PPFIA4: variants seen among roughly 807,000 people sequenced by gnomAD.
The protein encoded by PPFIA4 is liprin-alpha-4.
In PPFIA4, 98 loss-of-function variants were observed where a neutral mutation model predicts 145.7. That is an observed-to-expected ratio of 0.67 (90% CI 0.57 to 0.80). The LOEUF (loss-of-function observed/expected upper bound fraction) is 0.80. PPFIA4 is among the 30% of genes least tolerant of loss of function. The probability of loss-of-function intolerance (pLI) is 0.00; values close to 1 mark genes in which losing one functional copy is unlikely to be tolerated. For missense variants in PPFIA4, 1,457 were observed against 1,632.7 expected, an observed-to-expected ratio of 0.89 and a Z score of 1.85; for synonymous variants, 628 against 649.6, an observed-to-expected ratio of 0.97 and a Z score of 0.51.
In PPFIA4 at chr1:203,068,261, G is replaced by C. The variant is rs1010941665; in HGVS notation, c.3149-192G>C. Among the ~76,000 whole-genome samples the C allele has an allele frequency of 2.6e-5, 4 of 152,186 alleles. No individual in the cohort carries two copies. The highest frequency in any genetic ancestry group is 5.9e-5 in the Non-Finnish European group (4 of 68,018). Reference sequence around the variant, plus strand: ...GTAAACTGGCAGGGATGGAGTGAGTGGGGGGTTGGTTCCCCAGGCACCCAG... The same window carrying C: ...GTAAACTGGCAGGGATGGAGTGAGTCGGGGGTTGGTTCCCCAGGCACCCAG... On this transcript the variant is annotated intron_variant, in intron 26 of 29. Transcript: ENST00000295706. This position sits in a 1 kb window ranked among gnomAD's most constrained non-coding sequence, Gnocchi z 4.7.
intron 1 of PPFIA4, among the ~76,000 whole-genome samples, chr1:203,027,490 C>T (rs1292936900): frequency 6.6e-6 from 1 of 152,106 alleles, no homozygotes; most frequent in Non-Finnish European, 1.5e-5. Context: ...CTGGTAGTTT[C>T]CATCAGAGGA....
chr1:203,046,633 T>A, intron 9 of PPFIA4: 8 of 355,722 alleles, frequency 2.2e-5, no homozygotes, highest in East Asian at 8.9e-5. Context: ...GAGAAGAAGC[T>A]ATGTTGATGC....
At chr1:203,065,853 A>T (rs1468159828) in intron 25 of PPFIA4, among the ~76,000 whole-genome samples, 1 of 152,166 alleles carries the variant, frequency 6.6e-6, no homozygotes, top group African/African-American at 2.4e-5. Context: ...TTGACACCCT[A>T]CTCAGAGCTC....
intron 13 of PPFIA4, among the ~76,000 whole-genome samples, chr1:203,050,674 C>G (rs1660442651): frequency 6.6e-6 from 1 of 152,208 alleles, no homozygotes; most frequent in East Asian, 1.9e-4. Flanking sequence ...AAGAGAAGCC[C>G]ACGGGTGTCT....
At chr1:203,041,248 G>A (rs901546387) in intron 2 of PPFIA4, among the ~76,000 whole-genome samples, 1 of 152,232 alleles carries the variant, frequency 6.6e-6, no homozygotes, top group Non-Finnish European at 1.5e-5. Flanking sequence ...CTGGGTCTTA[G>A]GTGATATGGA....
At chr1:203,033,612 G>A (rs931704767) in intron 1 of PPFIA4, among the ~76,000 whole-genome samples, 8 of 152,168 alleles carry the variant, frequency 5.3e-5, no homozygotes, top group African/African-American at 1.9e-4. Flanking sequence ...TCTTCCCAGG[G>A]TCACCTGCAT....
At chr1:203,054,357 G>T (rs2102656982) in intron 15 of PPFIA4, among the ~76,000 whole-genome samples, 1 of 152,280 alleles carries the variant, frequency 6.6e-6, no homozygotes, top group Non-Finnish European at 1.5e-5. Context: ...CTGTTTTACA[G>T]ACAAGGGAAC....
intron 14 of PPFIA4, among the ~76,000 whole-genome samples, chr1:203,052,968 A>G (rs149918887): frequency 5.8e-4 from 88 of 152,342 alleles, no homozygotes; most frequent in African/African-American, 2.1e-3. Flanking sequence ...AACTGATAGC[A>G]TTTATGTAGT....
rs1053032629 is a variant in PPFIA4, at chr1:203,045,378, G to A, written c.677G>A (p.Gly226Asp). Reference sequence around the variant, plus strand: ...TCCCTATCCCTGGAGGAGGATACGGGCCGGGTAGAGGAGCTGCAGGAGCTC... The same window carrying A: ...TCCCTATCCCTGGAGGAGGATACGGACCGGGTAGAGGAGCTGCAGGAGCTC... ...GPKRLWKEDT[G>D]RVEELQELLE... Residue 226 changes from glycine (G) to aspartate (D), a missense_variant, in exon 7 of 30, where the codon GGC (glycine) becomes GAC (aspartate). Around this residue, in one of 3 missense-constraint regions of PPFIA4, gnomAD observed 463 missense variants for 459.8 expected, o/e 1.01. Coordinates refer to ENST00000295706, the MANE Select transcript of PPFIA4 (RefSeq NM_001304331.2). 3 of 1,598,956 alleles carry A rather than the reference G, an allele frequency of 1.9e-6. No homozygotes were observed. The Admixed American group carries it at 5.1e-5, about 27-fold the overall frequency.
intron 13 of PPFIA4, among the ~76,000 whole-genome samples, 169 bp downstream of exon 13, chr1:203,049,936 C>A (rs987302691): frequency 6.6e-6 from 1 of 152,214 alleles, no homozygotes; most frequent in African/African-American, 2.4e-5. Flanking sequence ...CTTACTTGGG[C>A]AGTTTGGGAG....
At chr1:203,041,786 A>G (rs1277744008) in intron 2 of PPFIA4, among the ~76,000 whole-genome samples, 2 of 151,976 alleles carry the variant, frequency 1.3e-5, no homozygotes, top group African/African-American at 4.8e-5. Context: ...CAGGCTGTCA[A>G]GCCCTGTCTC....
At chr1:203,074,051 T>G (rs66681392) in intron 28 of PPFIA4, among the ~76,000 whole-genome samples, 18,994 of 151,966 alleles carry the variant, frequency 0.12, 1,530 homozygotes, top group South Asian at 0.24. Context: ...CCATGGAGCA[T>G]AGAATTTGAG....
At chr1:203,076,261 C>T in intron 29 of PPFIA4, 80 bp from the exon 30 acceptor site, 1 of 1,473,140 alleles carries the variant, frequency 6.8e-7, no homozygotes, top group Non-Finnish European at 9.4e-7. Context: ...TTGCCGCTGT[C>T]GCACACATCC....
intron 1 of PPFIA4, chr1:203,035,227 A>C (rs1208533797): frequency 6.6e-6 from 3 of 453,420 alleles, no homozygotes; most frequent in Middle Eastern, 3.3e-4. Flanking sequence ...ATAGCCCCTC[A>C]GACGCTCCTA....
intron 18 of PPFIA4, 26 bp from the exon 19 acceptor site, chr1:203,056,758 G>T (rs368375485): frequency 6.5e-7 from 1 of 1,539,512 alleles, no homozygotes; most frequent in Non-Finnish European, 8.9e-7. Flanking sequence ...TTCTTATTCC[G>T]CCCCCTTCTG....
At chr1:203,063,491 C>G in intron 24 of PPFIA4, 2 of 242,196 alleles carry the variant, frequency 8.3e-6, no homozygotes, top group Non-Finnish European at 1.6e-5. Context: ...GTCAGGAAGG[C>G]ACGTCTGCTG....
rs1662482414 is a variant in PPFIA4 at position 203,075,706 on chromosome 1, C to T, written c.3523C>T (p.Leu1175=). 1 of 1,458,082 alleles carries T rather than the reference C, an allele frequency of 6.9e-7. No individual in the cohort carries two copies. Among genetic ancestry groups the T allele is most frequent in the East Asian group, 2.8e-5 (1 of 35,160 alleles). 90.3% of individuals were successfully genotyped at this position (1,458,082 alleles called of 1,614,324 possible). ...TLPAGFRVST[L]GTLQPPPAPP... is the part of the protein sequence containing the mutation. ...CCCGGCGGGCTTCCGTGTGTCCACC[C>T]TGGGGACCCTGCAGCCCCCACCGGC... Residue 1175 remains leucine, a synonymous_variant, in exon 29 of 30, where the codon CTG becomes TTG. Coordinates refer to ENST00000295706, the MANE Select transcript of PPFIA4 (RefSeq NM_001304331.2). This position sits in a 1 kb window ranked among gnomAD's most constrained non-coding sequence, Gnocchi z 4.1.
rs755830658 is a variant in PPFIA4, at chr1:203,060,544, G to A, written c.2784+127G>A. ...CCCCTTCCTTCCCATCCTCACAAAG[G>A]GCTCTCCCTGGTCTTCAGGAGGATA... is the stretch of plus-strand genomic sequence containing the variant. On this transcript the variant is annotated intron_variant, in intron 22 of 29. Coordinates refer to ENST00000295706, the MANE Select transcript of PPFIA4 (RefSeq NM_001304331.2). The surrounding 1 kb of genome is among the most constrained non-coding windows in gnomAD (Gnocchi z 4.8). 9.3e-5 allele frequency: 89 copies of A among 959,636 alleles called. No homozygotes were observed. Among genetic ancestry groups the A allele is most frequent in the Non-Finnish European group, 1.3e-4 (85 of 634,450 alleles). 59.4% of individuals were successfully genotyped at this position (959,636 alleles called of 1,614,324 possible). A position where few individuals can be genotyped will look rare whatever the true frequency, so the allele number is the denominator to read the frequency against.
At position 203,068,031 on chromosome 1, in the gene PPFIA4, C is replaced by T. The variant is rs973198464; in HGVS notation, c.3148+239C>T. On this transcript the variant is annotated intron_variant, in intron 26 of 29. Transcript: ENST00000295706. This position sits in a 1 kb window ranked among gnomAD's most constrained non-coding sequence, Gnocchi z 4.7. Reference sequence around the variant, plus strand: ...ATAGCAGCCACCAACTGGACAAATGCAGTGAATCCTCTGGGACGGTGTTAT... The same window carrying T: ...ATAGCAGCCACCAACTGGACAAATGTAGTGAATCCTCTGGGACGGTGTTAT... 1.3e-5 allele frequency among the ~76,000 whole-genome samples: 2 copies of T among 152,170 alleles called. No individual in the cohort carries two copies. Among genetic ancestry groups the T allele is most frequent in the Admixed American group, 1.3e-4 (2 of 15,280 alleles).
Sources: gnomAD v4.1 joint callset for allele counts (sites outside exome capture counted in the v4.1 genomes callset) on GRCh38, gnomAD v4.1.1 for gene constraint, gnomAD v4.1.1 regional missense constraint, Gnocchi (gnomAD v3.1) non-coding constraint, MANE v1.5 for transcripts, NCBI Gene and HGNC (gene_info 2026-07-23, HGNC 2026-07-21) for gene names.